PITPNM3: variants seen among roughly 807,000 people sequenced by gnomAD.
PITPNM3 encodes the protein membrane-associated phosphatidylinositol transfer protein 3.
Under a neutral mutation model 102.0 loss-of-function variants are expected in PITPNM3, and 26 were observed. That is an observed-to-expected ratio of 0.25 (90% CI 0.19 to 0.35). The LOEUF (loss-of-function observed/expected upper bound fraction) is 0.35. Ranked by LOEUF, PITPNM3 falls within the 10% of genes least tolerant of loss-of-function variation. The pLI, the probability that PITPNM3 is intolerant of heterozygous loss-of-function variation, is 1.00. For synonymous variants in PITPNM3, 578 were observed against 558.6 expected (o/e 1.03, Z -0.49); for missense variants, 1,083 against 1,346.1 (o/e 0.80, Z 3.06).
intron 10 of PITPNM3, among the ~76,000 whole-genome samples, chr17:6,473,885 G>A (rs566688591): frequency 1.3e-5 from 2 of 150,316 alleles, no homozygotes; most frequent in African/African-American, 4.9e-5. Flanking sequence ...GCTGAGGCAG[G>A]AAAATTGGTT....
chr17:6,498,674 G>C (rs555624943), intron 4 of PITPNM3, among the ~76,000 whole-genome samples: 143 of 152,296 alleles, frequency 9.4e-4, no homozygotes, highest in African/African-American at 3.4e-3. Flanking sequence ...TCATAGCACT[G>C]CTGGAGGTTG....
At chr17:6,464,904 G>C (rs1440884206) in intron 14 of PITPNM3, 133 bp from the exon 15 acceptor site, 3 of 863,888 alleles carry the variant, frequency 3.5e-6, no homozygotes, top group East Asian at 2.4e-5. Context: ...ACTTCTGCTA[G>C]AGTTTCAGAG....
At chr17:6,474,703 T>A (rs1905225715) in intron 9 of PITPNM3, 99 bp from the exon 10 acceptor site, 1 of 1,381,856 alleles carries the variant, frequency 7.2e-7, no homozygotes, top group East Asian at 2.5e-5. Context: ...GAGCGTGAAG[T>A]GCCCAACCCT....
At chr17:6,538,290 G>A (rs1382989587) in intron 1 of PITPNM3, among the ~76,000 whole-genome samples, 2 of 152,182 alleles carry the variant, frequency 1.3e-5, no homozygotes, top group East Asian at 1.9e-4. Flanking sequence ...AGCAGAGCAG[G>A]AATGCGTGTG....
intron 19 of PITPNM3, among the ~76,000 whole-genome samples, chr17:6,456,055 G>A (rs116036957): frequency 0.01 from 1,591 of 151,884 alleles, 22 homozygotes; most frequent in African/African-American, 0.037. Context: ...AAAGGGTCTC[G>A]CTGTGTCGCC....
intron 3 of PITPNM3, among the ~76,000 whole-genome samples, chr17:6,519,348 A>C (rs113831012): frequency 1.5e-5 from 1 of 66,878 alleles, no homozygotes; most frequent in Non-Finnish European, 3.3e-5. Context: ...CGTCTCAAAA[A>C]AAAAAAAAAA....
chr17:6,467,116 T>G (rs1181147521), intron 14 of PITPNM3, among the ~76,000 whole-genome samples: 1 of 137,898 alleles, frequency 7.3e-6, no homozygotes, highest in African/African-American at 2.7e-5. Context: ...ACCCAAAAAA[T>G]GTCCATCAGG....
rs1913895264 is a variant in PITPNM3 at position 6,452,619 on chromosome 17, ATGCATTACACAGT to A, written c.*2706_*2718del. ...CAAACCGCTAGTGTAGAAAGAGCAT[ATGCATTACACAGT>A]TGCCGTGAAAGCAGTACTGAAACAT... On this transcript the variant is annotated 3_prime_UTR_variant, in exon 20 of 20. Transcript: ENST00000262483. The A allele has an allele frequency of 6.6e-6, 1 of 152,214 alleles. No individual in the cohort carries two copies. Among genetic ancestry groups the A allele is most frequent in the South Asian group, 2.1e-4 (1 of 4,836 alleles). The allele number at this position is 152,214 out of a possible 1,614,324, so 9.4% of individuals were successfully genotyped here.
At chr17:6,485,842 T>G (rs1906059341) in intron 4 of PITPNM3, among the ~76,000 whole-genome samples, 1 of 152,226 alleles carries the variant, frequency 6.6e-6, no homozygotes, top group South Asian at 2.1e-4. Flanking sequence ...TCTGCCCCAC[T>G]GCCTGTTTTT....
In PITPNM3 at chr17:6,517,453, G is replaced by C. The variant is rs550497438; in HGVS notation, c.226+7903C>G. Reference sequence around the variant, plus strand: ...AGGGGCCATGGGAGCTGGGGAGTTAGGAAGAGAAGGAAGAAAAAAGGTACA... The same window carrying C: ...AGGGGCCATGGGAGCTGGGGAGTTACGAAGAGAAGGAAGAAAAAAGGTACA... On this transcript the variant is annotated intron_variant, in intron 3 of 19. Transcript: ENST00000262483. This position sits in a 1 kb window ranked among gnomAD's most constrained non-coding sequence, Gnocchi z 4.1. Among the ~76,000 whole-genome samples the C allele has an allele frequency of 6.6e-6, 1 of 152,236 alleles. No individual in the cohort carries two copies. The highest frequency in any genetic ancestry group is 2.4e-5 in the African/African-American group (1 of 41,468).
chr17:6,542,447 T>G (rs986702586), intron 1 of PITPNM3, among the ~76,000 whole-genome samples: 5 of 152,084 alleles, frequency 3.3e-5, no homozygotes, highest in Non-Finnish European at 7.4e-5. Context: ...CATAATTCTC[T>G]CCCTCTCTCC....
chr17:6,493,478 A>G (rs1906618801), intron 4 of PITPNM3, among the ~76,000 whole-genome samples: 1 of 152,232 alleles, frequency 6.6e-6, no homozygotes, highest in Admixed American at 6.5e-5. Flanking sequence ...AGCACAACCT[A>G]GGAAATGTTT....
intron 17 of PITPNM3, among the ~76,000 whole-genome samples, chr17:6,463,178 G>A (rs2150716941): frequency 6.6e-6 from 1 of 152,278 alleles, no homozygotes; most frequent in South Asian, 2.1e-4. Context: ...AACCGTCACT[G>A]TTACTGGGGT....
At chr17:6,502,607 C>T (rs978311256) in intron 4 of PITPNM3, among the ~76,000 whole-genome samples, 6 of 152,144 alleles carry the variant, frequency 3.9e-5, no homozygotes, top group Non-Finnish European at 8.8e-5. Flanking sequence ...AGCCACAGGC[C>T]TGAGCTCAGG....
In PITPNM3 at chr17:6,525,387, G is replaced by A. The variant is rs142749216; in HGVS notation, c.195C>T (p.Ile65=). Residue 65 remains isoleucine (I), a synonymous_variant, in exon 3 of 20, where the codon ATC becomes ATT. Coordinates refer to ENST00000262483, the MANE Select transcript of PITPNM3 (RefSeq NM_031220.4). ...QWNSNDLVEQ[I]ETMGKLDEHQ... The stretch of plus-strand genomic sequence containing the variant: ...GCTCGTCCAGTTTCCCCATGGTCTC[G>A]ATCTGCTCCACGAGGTCATTGGAGT... The A allele has an allele frequency of 3.1e-5, 50 of 1,614,018 alleles. No homozygotes were observed. The highest frequency in any genetic ancestry group is 1.6e-4 in the Middle Eastern group (1 of 6,084).
chr17:6,551,783 G>A (rs1295547295), intron 1 of PITPNM3, among the ~76,000 whole-genome samples: 3 of 151,712 alleles, frequency 2.0e-5, no homozygotes, highest in East Asian at 3.9e-4. Flanking sequence ...GCTTCCAGAT[G>A]TTTCCTCCTC....
intron 3 of PITPNM3, among the ~76,000 whole-genome samples, chr17:6,514,779 T>C (rs1908060840): frequency 6.6e-6 from 1 of 152,116 alleles, no homozygotes; most frequent in African/African-American, 2.4e-5. Context: ...TGAAAACATA[T>C]CCACACAAAA....
At chr17:6,508,512 C>T (rs895142570) in intron 3 of PITPNM3, among the ~76,000 whole-genome samples, 7 of 152,300 alleles carry the variant, frequency 4.6e-5, no homozygotes, top group South Asian at 2.1e-4. Context: ...CTTCCCAGGA[C>T]GGCTCAGGCA....
At chr17:6,549,458 C>T (rs542196768) in intron 1 of PITPNM3, among the ~76,000 whole-genome samples, 19 of 152,322 alleles carry the variant, frequency 1.2e-4, no homozygotes, top group African/African-American at 4.3e-4. Flanking sequence ...TGTGGGGCCC[C>T]AGTGCTGGGA....
Sources: gnomAD v4.1 joint callset for allele counts (sites outside exome capture counted in the v4.1 genomes callset) on GRCh38, gnomAD v4.1.1 for gene constraint, Gnocchi (gnomAD v3.1) non-coding constraint, MANE v1.5 for transcripts, NCBI Gene and HGNC (gene_info 2026-07-23, HGNC 2026-07-21) for gene names.